FOLH1: variants seen among roughly 807,000 people sequenced by gnomAD.
The protein encoded by FOLH1 is folate hydrolase 1.
In FOLH1, 54 loss-of-function variants were observed where a neutral mutation model predicts 93.9. The observed-to-expected ratio is 0.57, with a 90% CI of 0.46 to 0.72. FOLH1 has a LOEUF of 0.72. FOLH1 is among the 30% of genes least tolerant of loss of function. The probability of loss-of-function intolerance (pLI) is 0.00; values close to 1 mark genes in which losing one functional copy is unlikely to be tolerated. For synonymous variants in FOLH1, 249 were observed against 303.6 expected, an observed-to-expected ratio of 0.82 and a Z score of 1.87; for missense variants, 571 against 892.5, an observed-to-expected ratio of 0.64 and a Z score of 4.59.
intron 2 of FOLH1, 55 bp downstream of exon 2, chr11:49,206,012 G>A (rs1401236300): frequency 1.9e-6 from 3 of 1,548,596 alleles, no homozygotes; most frequent in African/African-American, 2.8e-5. Flanking sequence ...GACCAAAACA[G>A]AATGATAAAT....
intron 6 of FOLH1, 113 bp from the exon 7 acceptor site, chr11:49,183,355 A>C (rs1861007266): frequency 1.3e-6 from 1 of 786,706 alleles, no homozygotes; most frequent in African/African-American, 1.7e-5. Context: ...TGTTAAAGTA[A>C]AACAGATTAA....
Position 49,148,681 on chromosome 11 carries a change from G to A in FOLH1, c.2021C>T (p.Ala674Val). Residue 674 changes from alanine (A) to valine (V), a missense_variant, in exon 18 of 19, where the codon GCA becomes GTA. Coordinates refer to ENST00000256999, the MANE Select transcript of FOLH1 (RefSeq NM_004476.3). Reference sequence around the variant, plus strand: ...TGGTAACCCTAATGGATCAATAAATGCTCTTTCCAGAAACATGAGTTGATC... The same window carrying A: ...TGGTAACCCTAATGGATCAATAAATACTCTTTCCAGAAACATGAGTTGATC... ...MNDQLMFLER[A>V]FIDPLGLPDR... The A allele has an allele frequency of 6.2e-7, 1 of 1,606,386 alleles. No homozygotes were observed. Among genetic ancestry groups the A allele is most frequent in the Non-Finnish European group, 8.5e-7 (1 of 1,177,042 alleles).
chr11:49,171,959 A>G (rs1303392280), intron 10 of FOLH1, among the ~76,000 whole-genome samples: 1 of 152,154 alleles, frequency 6.6e-6, no homozygotes, highest in Non-Finnish European at 1.5e-5. Flanking sequence ...ACAAGGAACA[A>G]GAGAGTAAAG....
chr11:49,198,468 C>CCTGG (rs1862890686), intron 3 of FOLH1, among the ~76,000 whole-genome samples: 1 of 147,742 alleles, frequency 6.8e-6, no homozygotes, highest in African/African-American at 2.6e-5. Flanking sequence ...GGCGACAAAG[C>CCTGG]GAGACTCCGT....
chr11:49,167,886 GA>G (rs1858615988), intron 12 of FOLH1, among the ~76,000 whole-genome samples: 1 of 144,358 alleles, frequency 6.9e-6, no homozygotes, highest in African/African-American at 2.6e-5. Flanking sequence ...ACAAAAAACA[GA>G]AAAAGAACAG....
intron 7 of FOLH1, among the ~76,000 whole-genome samples, chr11:49,182,040 T>C (rs1860800452): frequency 6.6e-6 from 1 of 151,940 alleles, no homozygotes; most frequent in Non-Finnish European, 1.5e-5. Flanking sequence ...CTCTAAAGAA[T>C]AATGGTGGCT....
At chr11:49,170,407 GAGTTTGAGGCC>G (rs1290210395) in intron 11 of FOLH1, among the ~76,000 whole-genome samples, 1 of 152,140 alleles carries the variant, frequency 6.6e-6, no homozygotes, top group Admixed American at 6.5e-5. Flanking sequence ...TTAAGCTCAG[GAGTTTGAGGCC>G]AGCCTGGCCA....
chr11:49,199,651 G>A (rs1294140573), intron 3 of FOLH1, among the ~76,000 whole-genome samples: 2 of 152,138 alleles, frequency 1.3e-5, no homozygotes, highest in South Asian at 2.1e-4. Context: ...TGCCTCACAC[G>A]TGTAATTCTA....
Position 49,164,737 on chromosome 11 carries a change from T to A in FOLH1, c.1408A>T (p.Met470Leu), listed in dbSNP as rs1480534039. ...YTLRVDCTPL[M>L]YSLVHNLTKE... is the part of the protein sequence containing the mutation. ...GTTAGGTTGTGTACCAAGCTGTACA[T>A]CAGCGGTGTACAATCAACTCTCAGA... Residue 470 changes from methionine to leucine, a missense_variant, in exon 13 of 19, where the codon ATG becomes TTG. This residue lies in a region of FOLH1 where 500 missense variants were observed against 822.9 expected (regional missense o/e 0.61). Transcript: ENST00000256999. 3.9e-5 allele frequency: 62 copies of A among 1,605,770 alleles called. No individual in the cohort carries two copies. Among genetic ancestry groups the A allele is most frequent in the Non-Finnish European group, 5.3e-5 (62 of 1,174,348 alleles).
At chr11:49,205,669 T>A (rs926426135) in intron 2 of FOLH1, among the ~76,000 whole-genome samples, 25 of 152,388 alleles carry the variant, frequency 1.6e-4, no homozygotes, top group African/African-American at 5.8e-4. Context: ...TTTTTATATT[T>A]TAAATTGGTT....
chr11:49,200,298 G>C lies in FOLH1; in HGVS notation c.368C>G (p.Thr123Ser), dbSNP rs766804724. 6.2e-6 allele frequency: 10 copies of C among 1,607,912 alleles called. No homozygotes were observed. In the South Asian group the frequency reaches 1.0e-4, roughly 16 times the overall value. Residue 123 changes from threonine (T) to serine (S), a missense_variant, in exon 3 of 19, where the codon ACT becomes AGT. By Grantham distance (58) the Thr-to-Ser change is moderately conservative. Coordinates refer to ENST00000256999, the MANE Select transcript of FOLH1 (RefSeq NM_004476.3). ...AATTATTGAGATGTAGTTGGGATGA[G>C]TCTTATTTGGGTAGGACAACAGGAC... ...YDVLLSYPNK[T>S]HPNYISIINE...
chr11:49,154,313 A>G lies in FOLH1; in HGVS notation c.1803T>C (p.Ala601=), dbSNP rs773794097. The G allele has an allele frequency of 3.7e-6, 6 of 1,613,480 alleles. No individual in the cohort carries two copies. In the Admixed American group the frequency reaches 1.0e-4, roughly 27 times the overall value. Residue 601 remains alanine, a synonymous_variant, in exon 16 of 19, where the codon GCT becomes GCC. Transcript: ENST00000256999. ...TGTCAGCATACTTTCTTAAAACTAC[A>G]GCATAATCTCGACAATCAAAAGGGA... ...IVLPFDCRDY[A]VVLRKYADKI...
At chr11:49,172,306 G>A (rs1006965002) in intron 10 of FOLH1, among the ~76,000 whole-genome samples, 5 of 151,958 alleles carry the variant, frequency 3.3e-5, no homozygotes, top group African/African-American at 1.2e-4. Context: ...TGTAAATTTA[G>A]GTCTCCATTG....
At chr11:49,196,683 A>G (rs969712936) in intron 3 of FOLH1, among the ~76,000 whole-genome samples, 6 of 152,208 alleles carry the variant, frequency 3.9e-5, no homozygotes, top group African/African-American at 1.4e-4. Context: ...TTAAAGAAAA[A>G]TGTGTTTAAT....
chr11:49,175,805 T>C (rs1859929423), intron 8 of FOLH1, 54 bp downstream of exon 8: 2 of 1,519,304 alleles, frequency 1.3e-6, no homozygotes, highest in Non-Finnish European at 1.8e-6. Flanking sequence ...TCTATAGTAT[T>C]TTTTTCTTTA....
chr11:49,186,986 T>C (rs571202072), intron 4 of FOLH1, among the ~76,000 whole-genome samples: 1 of 152,256 alleles, frequency 6.6e-6, no homozygotes, highest in Non-Finnish European at 1.5e-5. Flanking sequence ...GTAATATTTG[T>C]TTGTATTTGT....
intron 17 of FOLH1, 95 bp downstream of exon 17, chr11:49,153,751 C>T (rs1328087173): frequency 1.1e-4 from 98 of 868,724 alleles, no homozygotes; most frequent in Admixed American, 1.1e-4. Context: ...GCAAGAAATT[C>T]CCAAAGCTAG....
chr11:49,153,270 A>G (rs910728550), intron 17 of FOLH1, among the ~76,000 whole-genome samples: 18 of 151,508 alleles, frequency 1.2e-4, no homozygotes, highest in African/African-American at 4.4e-4. Context: ...ACATTTCCAA[A>G]ATTAATGGCT....
chr11:49,156,640 C>G, intron 15 of FOLH1, 77 bp downstream of exon 15: 3 of 1,538,034 alleles, frequency 2.0e-6, no homozygotes, highest in Non-Finnish European at 2.7e-6. Flanking sequence ...ATGCTTGAGT[C>G]ACTTTTTGGA....
Sources: gnomAD v4.1 joint callset for allele counts (sites outside exome capture counted in the v4.1 genomes callset) on GRCh38, gnomAD v4.1.1 for gene constraint, gnomAD v4.1.1 regional missense constraint, MANE v1.5 for transcripts, NCBI Gene and HGNC (gene_info 2026-07-23, HGNC 2026-07-21) for gene names.